NAALADL2: variants seen among roughly 807,000 people sequenced by gnomAD.
The protein encoded by NAALADL2 is inactive N-acetylated-alpha-linked acidic dipeptidase-like protein 2.
NAALADL2 carries 76 observed loss-of-function variants against 87.2 expected under a neutral mutation model. The observed-to-expected ratio is 0.87, with a 90% confidence interval of 0.72 to 1.05. The LOEUF is 1.05. Among genes scored for constraint, NAALADL2 ranks in the 50% least tolerant of loss-of-function variants. The pLI, the probability that NAALADL2 is intolerant of heterozygous loss-of-function variation, is 0.00. For missense variants in NAALADL2, 1,089 were observed against 945.8 expected, an observed-to-expected ratio of 1.15 and a Z score of -1.99; for synonymous variants, 354 against 331.0, an observed-to-expected ratio of 1.07 and a Z score of -0.75.
At chr3:175,593,426 A>G (rs575542584) in intron 10 of NAALADL2, among the ~76,000 whole-genome samples, 27 of 152,268 alleles carry the variant, frequency 1.8e-4, no homozygotes, top group Non-Finnish European at 2.8e-4. Flanking sequence ...GTGTAGAACC[A>G]TGAAACAGGA....
intron 11 of NAALADL2, among the ~76,000 whole-genome samples, chr3:175,717,992 T>G (rs922455965): frequency 5.3e-5 from 8 of 151,480 alleles, no homozygotes; most frequent in East Asian, 2.0e-4. Flanking sequence ...CTTGTATTTT[T>G]TTGTTGTTGT....
chr3:175,523,012 C>T (rs2149424086), intron 9 of NAALADL2, among the ~76,000 whole-genome samples: 1 of 152,322 alleles, frequency 6.6e-6, no homozygotes, highest in South Asian at 2.1e-4. Context: ...CACAGGGAAT[C>T]CATGAGCCCT....
At chr3:175,126,720 C>A (rs565581210) in intron 2 of NAALADL2, among the ~76,000 whole-genome samples, 1 of 152,026 alleles carries the variant, frequency 6.6e-6, no homozygotes. Flanking sequence ...CACAAATTAA[C>A]GATTAATGAA....
intron 4 of NAALADL2, among the ~76,000 whole-genome samples, chr3:175,274,407 A>C (rs916428039): frequency 3.3e-5 from 5 of 152,216 alleles, no homozygotes; most frequent in Non-Finnish European, 5.9e-5. Context: ...AGTAAAATAA[A>C]TACATATTAC....
chr3:175,685,717 G>C (rs1736191454), intron 11 of NAALADL2, among the ~76,000 whole-genome samples: 1 of 152,062 alleles, frequency 6.6e-6, no homozygotes, highest in African/African-American at 2.4e-5. Context: ...GGAGACCCTG[G>C]AAAAGCTGAT....
At chr3:175,220,690 T>C (rs1271706369) in intron 2 of NAALADL2, among the ~76,000 whole-genome samples, 1 of 152,142 alleles carries the variant, frequency 6.6e-6, no homozygotes, top group Non-Finnish European at 1.5e-5. Context: ...TCTTCATTTT[T>C]ATTCATTTTT....
In NAALADL2 at chr3:175,051,807, G is replaced by A. The variant is rs528883693; in HGVS notation, c.44-44983G>A. Among the ~76,000 whole-genome samples the A allele has an allele frequency of 2.6e-5, 4 of 152,264 alleles. No homozygotes were observed. The East Asian group carries it at 5.8e-4, about 22-fold the overall frequency. ...TTCTGAAGTACAGTGAAGGTAAAGC[G>A]TGACTGTGGCTTTCCCACGTCCATT... On this transcript the variant is annotated intron_variant, in intron 1 of 13. Transcript: ENST00000454872.
At chr3:174,984,657 T>C (rs1745591848) in intron 1 of NAALADL2, among the ~76,000 whole-genome samples, 1 of 152,122 alleles carries the variant, frequency 6.6e-6, no homozygotes, top group Non-Finnish European at 1.5e-5. Flanking sequence ...TTTTTTTTCA[T>C]GTAATAAGAA....
intron 5 of NAALADL2, among the ~76,000 whole-genome samples, chr3:175,434,293 A>G (rs778854814): frequency 6.6e-6 from 1 of 151,970 alleles, no homozygotes; most frequent in Non-Finnish European, 1.5e-5. Context: ...AGAACTCAGA[A>G]GATGTGGAAA....
At chr3:174,806,145 T>A (rs776875562) in intron 3 of NAALADL2, among the ~76,000 whole-genome samples, 1 of 152,222 alleles carries the variant, frequency 6.6e-6, no homozygotes, top group Non-Finnish European at 1.5e-5. Flanking sequence ...CTGGTTGGGC[T>A]TCTCCCAAAG....
chr3:175,294,344 T>A (rs1375620479), intron 4 of NAALADL2, among the ~76,000 whole-genome samples: 3 of 150,836 alleles, frequency 2.0e-5, no homozygotes, highest in Non-Finnish European at 4.4e-5. Flanking sequence ...ACATTTTTAA[T>A]ATTCACCACT....
At chr3:175,634,150 A>G (rs6798499) in intron 11 of NAALADL2, among the ~76,000 whole-genome samples, 25,354 of 151,806 alleles carry the variant, frequency 0.17, 2,235 homozygotes, top group Middle Eastern at 0.22. Context: ...GGGGTCATCA[A>G]TGATTTAAAA....
chr3:175,271,578 G>C (rs372784535), intron 4 of NAALADL2, among the ~76,000 whole-genome samples: 205 of 152,226 alleles, frequency 1.3e-3, no homozygotes, highest in African/African-American at 4.8e-3. Flanking sequence ...GATCACCTGA[G>C]GTCAGGAGCT....
At chr3:175,554,337 C>T (rs989075721) in intron 9 of NAALADL2, among the ~76,000 whole-genome samples, 6 of 152,108 alleles carry the variant, frequency 3.9e-5, no homozygotes, top group Non-Finnish European at 7.4e-5. Context: ...GCAGGATTCA[C>T]ATTTTTAAAA....
At chr3:175,104,422 A>T (rs902154079) in intron 2 of NAALADL2, among the ~76,000 whole-genome samples, 1 of 152,162 alleles carries the variant, frequency 6.6e-6, no homozygotes, top group Admixed American at 6.6e-5. Flanking sequence ...TACAAACATA[A>T]GATGTTGCTG....
intron 3 of NAALADL2, among the ~76,000 whole-genome samples, chr3:174,827,466 G>A (rs377626591): frequency 1.3e-5 from 2 of 152,144 alleles, no homozygotes; most frequent in East Asian, 3.9e-4. Context: ...AACAACATCA[G>A]AGCAAGTCTG....
intron 4 of NAALADL2, among the ~76,000 whole-genome samples, chr3:175,279,701 T>G (rs925105798): frequency 2.6e-5 from 4 of 151,976 alleles, no homozygotes; most frequent in African/African-American, 9.7e-5. Context: ...TCTAGAGTGA[T>G]AATGTCAGGA....
Position 175,436,427 on chromosome 3 carries a change from C to T in NAALADL2, c.1091-10802C>T, listed in dbSNP as rs1292259965. On this transcript the variant is annotated intron_variant, in intron 5 of 13. Transcript: ENST00000454872. ...TCTAGATCCCTGAGGAATCGCCACA[C>T]TGACTTCCACAATGGTTGAACTAGT... Among the ~76,000 whole-genome samples, 227 of 147,452 alleles carry T rather than the reference C, an allele frequency of 1.5e-3. 2 individuals are homozygous for T. The highest frequency in any genetic ancestry group is 5.5e-3 in the African/African-American group (214 of 38,820).
At chr3:175,416,846 G>A (rs1351635062) in intron 5 of NAALADL2, among the ~76,000 whole-genome samples, 1 of 151,892 alleles carries the variant, frequency 6.6e-6, no homozygotes, top group Admixed American at 6.6e-5. Context: ...TCTATGATAC[G>A]TGAATGTATG....
Sources: gnomAD v4.1 joint callset for allele counts (sites outside exome capture counted in the v4.1 genomes callset) on GRCh38, gnomAD v4.1.1 for gene constraint, MANE v1.5 for transcripts, NCBI Gene and HGNC (gene_info 2026-07-23, HGNC 2026-07-21) for gene names.